Variants in ANO2 observed in about 807,000 individuals in gnomAD.
ANO2 encodes anoctamin 2, also known as anoctamin-2.
In ANO2, 101 loss-of-function variants were observed where a neutral mutation model predicts 124.2. The ratio of observed to expected loss-of-function variants is 0.81; its 90% CI spans 0.69 to 0.96. ANO2 has a LOEUF of 0.96. ANO2 is among the 40% of genes least tolerant of loss of function. The pLI is 0.00. For synonymous variants in ANO2, 486 were observed against 482.5 expected (o/e 1.01, Z -0.09); for missense variants, 1,293 against 1,274.5 (o/e 1.01, Z -0.22).
chr12:5,931,068 C>A (rs1224565721), intron 1 of ANO2, among the ~76,000 whole-genome samples: 1 of 152,192 alleles, frequency 6.6e-6, no homozygotes, highest in Non-Finnish European at 1.5e-5. Context: ...TCATCCTGGG[C>A]TCACACCACA....
intron 20 of ANO2, 46 bp from the exon 21 acceptor site, chr12:5,578,564 C>A: frequency 6.3e-7 from 1 of 1,582,262 alleles, no homozygotes; most frequent in Non-Finnish European, 8.6e-7. Flanking sequence ...ACAAGCAGGA[C>A]TCAGGTCCCT....
chr12:5,634,177 C>A (rs1945879882), intron 16 of ANO2, among the ~76,000 whole-genome samples: 1 of 152,128 alleles, frequency 6.6e-6, no homozygotes, highest in Non-Finnish European at 1.5e-5. Flanking sequence ...TGGTAAGCTG[C>A]CGATAGCAAC....
rs1459718671 is a variant in ANO2, at chr12:5,921,213, G to A, written c.361C>T (p.His121Tyr). The A allele has an allele frequency of 1.2e-6, 2 of 1,613,840 alleles. No individual in the cohort carries two copies. The highest frequency in any genetic ancestry group is 1.7e-6 in the Non-Finnish European group (2 of 1,179,868). The change falls in exon 3 of 25, where the codon CAC becomes TAC. Residue 121 changes from histidine to tyrosine, a missense_variant. Coordinates refer to ENST00000682330, the MANE Select transcript of ANO2 (RefSeq NM_001364791.2). ...CCATTGGAGACGATAGCCAGCGAGT[G>A]GCCAGGGAAGCCTTGGGCCAGGTGC... ...GVHLAQGFPG[H>Y]SLAIVSNGET...
At chr12:5,886,811 C>T (rs1938943635) in intron 3 of ANO2, among the ~76,000 whole-genome samples, 3 of 152,034 alleles carry the variant, frequency 2.0e-5, no homozygotes, top group Non-Finnish European at 4.4e-5. Flanking sequence ...ACTTTGAAGA[C>T]ATTATGTTAA....
intron 14 of ANO2, among the ~76,000 whole-genome samples, chr12:5,688,810 C>CTTTTTTTTTTTTTT: frequency 8.4e-6 from 1 of 119,386 alleles, no homozygotes; most frequent in Non-Finnish European, 1.7e-5. Context: ...TGGGAGTATC[C>CTTTTTTTTTTTTTT]TTTTTTTTTT....
At chr12:5,842,824 G>A (rs1426611913) in intron 4 of ANO2, among the ~76,000 whole-genome samples, 2 of 152,158 alleles carry the variant, frequency 1.3e-5, no homozygotes, top group Non-Finnish European at 2.9e-5. Flanking sequence ...CCACACGGCC[G>A]TGACCATCTC....
Position 5,745,583 on chromosome 12 carries a change from T to G in ANO2, c.1191-1266A>C, listed in dbSNP as rs906413386. Among the ~76,000 whole-genome samples, 5 of 152,148 alleles carry G rather than the reference T, an allele frequency of 3.3e-5. No individual in the cohort carries two copies. In the South Asian group the frequency reaches 1.0e-3, roughly 32 times the overall value. Reference sequence around the variant, plus strand: ...AGGATGCCTGGGTCTCTTTCCCCCTTCATTAAGAAGTTGAAGGGTGGCAGA... The same window carrying G: ...AGGATGCCTGGGTCTCTTTCCCCCTGCATTAAGAAGTTGAAGGGTGGCAGA... On this transcript the variant is annotated intron_variant, in intron 11 of 24. Coordinates refer to ENST00000682330, the MANE Select transcript of ANO2 (RefSeq NM_001364791.2).
At chr12:5,873,697 T>G (rs188512402) in intron 3 of ANO2, among the ~76,000 whole-genome samples, 32 of 152,338 alleles carry the variant, frequency 2.1e-4, no homozygotes, top group African/African-American at 7.5e-4. Flanking sequence ...TGAAGATGCA[T>G]GGCACCCCGA....
At chr12:5,889,037 G>A (rs560902118) in intron 3 of ANO2, among the ~76,000 whole-genome samples, 7 of 152,344 alleles carry the variant, frequency 4.6e-5, no homozygotes, top group South Asian at 2.1e-4. Context: ...ACCCCGCCCC[G>A]TGGGGAGGCA....
chr12:5,657,953 G>A (rs10774351), intron 14 of ANO2, among the ~76,000 whole-genome samples: 90,079 of 152,012 alleles, frequency 0.59, 28,150 homozygotes, highest in East Asian at 0.96. Flanking sequence ...ACATATATGT[G>A]GACTGAAACA....
intron 3 of ANO2, among the ~76,000 whole-genome samples, chr12:5,888,662 C>G (rs1470419071): frequency 6.6e-6 from 1 of 152,192 alleles, no homozygotes; most frequent in Non-Finnish European, 1.5e-5. Flanking sequence ...TAGCTAGATA[C>G]AGAGTGCCGA....
intron 10 of ANO2, among the ~76,000 whole-genome samples, chr12:5,781,129 T>C (rs544662479): frequency 2.0e-5 from 3 of 152,320 alleles, no homozygotes; most frequent in East Asian, 1.9e-4. Flanking sequence ...GCTATGAGCA[T>C]TGCTGCCCTC....
At chr12:5,603,944 CAAAA>C (rs63415160) in intron 19 of ANO2, among the ~76,000 whole-genome samples, 25 of 74,148 alleles carry the variant, frequency 3.4e-4, no homozygotes, top group East Asian at 1.8e-3. Flanking sequence ...GATTCCGTCT[CAAAA>C]AAAAAAAAAA....
At chr12:5,627,169 C>A (rs1297748677) in intron 16 of ANO2, among the ~76,000 whole-genome samples, 1 of 152,176 alleles carries the variant, frequency 6.6e-6, no homozygotes, top group Non-Finnish European at 1.5e-5. Flanking sequence ...GTAGTCACAG[C>A]CTCCTGCCAT....
rs112525072 is a variant in ANO2 at position 5,862,668 on chromosome 12, A to G, written c.535-8527T>C. Among the ~76,000 whole-genome samples, 2,640 of 152,176 alleles carry G rather than the reference A, an allele frequency of 0.017. 69 individuals are homozygous for G. The highest frequency in any genetic ancestry group is 0.056 in the African/African-American group (2,336 of 41,510). On this transcript the variant is annotated intron_variant, in intron 3 of 24. Coordinates refer to ENST00000682330, the MANE Select transcript of ANO2 (RefSeq NM_001364791.2). This position sits in a 1 kb window ranked among gnomAD's most constrained non-coding sequence, Gnocchi z 4.0. ...GAATTGTAGCTCCCATAATTCCCAC[A>G]TGTTGCGGGAGGGACCTGGTGGGAG... is the stretch of plus-strand genomic sequence containing the variant.
intron 6 of ANO2, among the ~76,000 whole-genome samples, chr12:5,828,667 C>T (rs1242784854): frequency 3.9e-5 from 6 of 152,310 alleles, no homozygotes; most frequent in Non-Finnish European, 7.3e-5. Flanking sequence ...AATCCCCTGG[C>T]CTATGGGGCC....
chr12:5,913,957 T>G (rs1313858885), intron 3 of ANO2, among the ~76,000 whole-genome samples: 1 of 152,150 alleles, frequency 6.6e-6, no homozygotes, highest in Non-Finnish European at 1.5e-5. Context: ...AAGTGAAGCC[T>G]TTGGGACGCC....
At chr12:5,871,307 A>G (rs1937678256) in intron 3 of ANO2, among the ~76,000 whole-genome samples, 1 of 152,178 alleles carries the variant, frequency 6.6e-6, no homozygotes. Flanking sequence ...TAAAAGAATA[A>G]TTTCTTAAAA....
chr12:5,854,034 T>C lies in ANO2; in HGVS notation c.633+9A>G. On this transcript the variant is annotated intron_variant, in intron 4 of 24. Coordinates refer to ENST00000682330, the MANE Select transcript of ANO2 (RefSeq NM_001364791.2). Reference sequence around the variant, plus strand: ...GGAGGCCCAGAACCCAGGAGAAACATGCTCATACTTTCTTGGTAGGAACTT... The same window carrying C: ...GGAGGCCCAGAACCCAGGAGAAACACGCTCATACTTTCTTGGTAGGAACTT... The C allele has an allele frequency of 6.2e-7, 1 of 1,610,062 alleles. No homozygotes were observed. The highest frequency in any genetic ancestry group is 8.5e-7 in the Non-Finnish European group (1 of 1,177,154).
Sources: gnomAD v4.1 joint callset for allele counts (sites outside exome capture counted in the v4.1 genomes callset) on GRCh38, gnomAD v4.1.1 for gene constraint, Gnocchi (gnomAD v3.1) non-coding constraint, MANE v1.5 for transcripts, NCBI Gene and HGNC (gene_info 2026-07-23, HGNC 2026-07-21) for gene names.